The following VNN2 variants were observed in gnomAD, a reference collection of about 807,000 sequenced individuals.
The protein encoded by VNN2 is vanin 2.
Under a neutral mutation model 43.0 loss-of-function variants are expected in VNN2, and 43 were observed. The ratio of observed to expected loss-of-function variants is 1.00; its 90% CI spans 0.78 to 1.29. The LOEUF is 1.29. Among genes scored for constraint, VNN2 ranks in the 50% most tolerant of loss-of-function variants. The pLI is 0.00. For synonymous variants in VNN2, 230 were observed against 224.3 expected (o/e 1.03, Z -0.23); for missense variants, 652 against 619.7 (o/e 1.05, Z -0.55).
Position 132,751,289 on chromosome 6 carries a change from A to C in VNN2, c.1056T>G (p.Phe352Leu), listed in dbSNP as rs1271764998. 1 of 1,614,164 alleles carries C rather than the reference A, an allele frequency of 6.2e-7. No homozygotes were observed. The highest frequency in any genetic ancestry group is 8.5e-7 in the Non-Finnish European group (1 of 1,180,022). The change falls in exon 5 of 7, where the codon TTT becomes TTG. Residue 352 changes from phenylalanine to leucine, a missense_variant. By Grantham distance (22) the Phe-to-Leu change is conservative. Transcript: ENST00000326499. ...SRDGFNFTEL[F>L]ENAGNLTVCQ... ...AGACTGTAAGGTTTCCTGCATTTTC[A>C]AAAAGTTCTGTGAAGTTGAACCCAT...
At chr6:132,762,933 C>T (rs926375150) in intron 1 of VNN2, among the ~76,000 whole-genome samples, 3 of 152,142 alleles carry the variant, frequency 2.0e-5, no homozygotes, top group South Asian at 2.1e-4. Flanking sequence ...CCCTACTTTC[C>T]GACAGCTCCT....
chr6:132,755,374 CT>C (rs1021410696), intron 3 of VNN2, among the ~76,000 whole-genome samples: 1 of 96,644 alleles, frequency 1.0e-5, no homozygotes, highest in Non-Finnish European at 2.0e-5. Flanking sequence ...TTTTCTTTTT[CT>C]TTTTTTTCTT....
intron 1 of VNN2, chr6:132,763,254 A>G (rs1234101405): frequency 6.6e-6 from 1 of 151,662 alleles, no homozygotes; most frequent in African/African-American, 2.4e-5. Flanking sequence ...GATTAAAAAT[A>G]GAAAAGTTTA....
Position 132,757,875 on chromosome 6 carries a change from A to G in VNN2, c.9T>C (p.Thr3=). 6.2e-7 allele frequency: 1 copy of G among 1,613,682 alleles called. No individual in the cohort carries two copies. Among genetic ancestry groups the G allele is most frequent in the Non-Finnish European group, 8.5e-7 (1 of 1,179,702 alleles). The part of the protein sequence containing the change: MV[T]SSFPISVAVF... ...CTGCCACAGAGATTGGAAAAGAGGA[A>G]GTGACCATGGCCAAGGTTTAGTGAT... The change falls in exon 1 of 7, where the codon ACT becomes ACC. Residue 3 remains threonine (T), a synonymous_variant. Transcript: ENST00000326499.
intron 6 of VNN2, among the ~76,000 whole-genome samples, chr6:132,745,422 C>G (rs1406494030): frequency 6.6e-6 from 1 of 152,070 alleles, no homozygotes; most frequent in Non-Finnish European, 1.5e-5. Context: ...CACCATGTTG[C>G]CCAGGCTGTT....
upstream of VNN2, chr6:132,757,990 T>C: frequency 1.7e-6 from 1 of 605,050 alleles, no homozygotes; most frequent in Non-Finnish European, 2.6e-6. Flanking sequence ...CCTTTTACTT[T>C]ATCATCATTT....
At chr6:132,753,526 C>T (rs761107357) in intron 3 of VNN2, 1 of 449,068 alleles carries the variant, frequency 2.2e-6, no homozygotes, top group South Asian at 1.6e-5. Context: ...ATTTAATTTC[C>T]CGATTCCTTC....
Position 132,751,331 on chromosome 6 carries a change from C to T in VNN2, c.1014G>A (p.Arg338=). The change falls in exon 5 of 7, where the codon AGG becomes AGA. Residue 338 remains arginine, a synonymous_variant. Coordinates refer to ENST00000326499, the MANE Select transcript of VNN2 (RefSeq NM_004665.6). The part of the protein sequence containing the change: ...KPFPVQKNTF[R]GFISRDGFNF... Reference sequence around the variant, plus strand: ...TGAACCCATCCCTGGAAATAAATCCCCTGAAAGTGTTTTTCTGTACTGGAA... The same window carrying T: ...TGAACCCATCCCTGGAAATAAATCCTCTGAAAGTGTTTTTCTGTACTGGAA... 6.2e-7 allele frequency: 1 copy of T among 1,614,094 alleles called. No homozygotes were observed. Among genetic ancestry groups the T allele is most frequent in the Non-Finnish European group, 8.5e-7 (1 of 1,180,020 alleles).
intron 4 of VNN2, among the ~76,000 whole-genome samples, chr6:132,751,949 G>A (rs1465317511): frequency 6.6e-6 from 1 of 152,172 alleles, no homozygotes; most frequent in Non-Finnish European, 1.5e-5. Flanking sequence ...GCTGGACTTA[G>A]TGACTCACTT....
intron 4 of VNN2, 87 bp downstream of exon 4, chr6:132,752,374 G>A (rs756642095): frequency 6.5e-5 from 95 of 1,456,350 alleles, no homozygotes; most frequent in Non-Finnish European, 8.3e-5. Flanking sequence ...TTTCCAATAA[G>A]CAAAAAATTA....
Position 132,757,862 on chromosome 6 carries a change from T to C in VNN2, c.22A>G (p.Ile8Val). 1.2e-6 allele frequency: 2 copies of C among 1,613,794 alleles called. No individual in the cohort carries two copies. The highest frequency in any genetic ancestry group is 1.7e-6 in the Non-Finnish European group (2 of 1,179,840). The part of the protein sequence containing the change: MVTSSFP[I>V]SVAVFALITL... ...ATTAGGGCAAAAACTGCCACAGAGA[T>C]TGGAAAAGAGGAAGTGACCATGGCC... Residue 8 changes from isoleucine (I) to valine (V), a missense_variant, in exon 1 of 7, where the codon ATC becomes GTC. Ile to Val is a conservative substitution (Grantham distance 29). Coordinates refer to ENST00000326499, the MANE Select transcript of VNN2 (RefSeq NM_004665.6).
intron 3 of VNN2, among the ~76,000 whole-genome samples, chr6:132,754,103 G>T (rs897668784): frequency 6.6e-6 from 1 of 152,160 alleles, no homozygotes; most frequent in Non-Finnish European, 1.5e-5. Context: ...GTGACTGCAG[G>T]TTCCTTGCTA....
At chr6:132,754,656 C>T (rs34723602) in intron 3 of VNN2, among the ~76,000 whole-genome samples, 2,101 of 152,284 alleles carry the variant, frequency 0.014, 45 homozygotes, top group African/African-American at 0.047. Flanking sequence ...GCTTCTTTCT[C>T]TACCTAGTTT....
intron 4 of VNN2, among the ~76,000 whole-genome samples, chr6:132,752,031 T>C (rs1221701265): frequency 4.6e-5 from 7 of 152,190 alleles, no homozygotes; most frequent in Non-Finnish European, 1.0e-4. Context: ...TCTTTCCTTT[T>C]CTCTCTTGTC....
chr6:132,751,255 C>G lies in VNN2; in HGVS notation c.1090G>C (p.Glu364Gln). 8.1e-6 allele frequency: 13 copies of G among 1,614,154 alleles called. No individual in the cohort carries two copies. The highest frequency in any genetic ancestry group is 1.1e-5 in the Non-Finnish European group (13 of 1,180,022). The change falls in exon 5 of 7, where the codon GAG becomes CAG. Residue 364 changes from glutamate to glutamine, a missense_variant. Coordinates refer to ENST00000326499, the MANE Select transcript of VNN2 (RefSeq NM_004665.6). ...CTGTAGCTTAAATGACAGCAAAGCT[C>G]CTTTTGACAGACTGTAAGGTTTCCT... Reference protein sequence around the residue: ...NAGNLTVCQKELCCHLSYRML... With the variant: ...NAGNLTVCQKQLCCHLSYRML...
At chr6:132,761,287 T>C (rs1207422313), upstream of VNN2, among the ~76,000 whole-genome samples, 2 of 151,882 alleles carry the variant, frequency 1.3e-5, no homozygotes, top group African/African-American at 4.8e-5. Context: ...CATTTTGGGA[T>C]TAATGAACTT....
At chr6:132,762,486 T>C (rs981105357), upstream of VNN2, among the ~76,000 whole-genome samples, 1 of 152,210 alleles carries the variant, frequency 6.6e-6, no homozygotes, top group African/African-American at 2.4e-5. Flanking sequence ...AAAAAGTACT[T>C]AATGGCAAAG....
At chr6:132,750,661 CAA>C (rs746788690) in intron 5 of VNN2, among the ~76,000 whole-genome samples, 8 of 76,444 alleles carry the variant, frequency 1.0e-4, no homozygotes, top group Non-Finnish European at 1.4e-4. Context: ...GAAATTGTCT[CAA>C]AAAAAAAAAA....
Position 132,756,379 on chromosome 6 carries a change from T to G in VNN2, c.345-344A>C, listed in dbSNP as rs1051508075. Among the ~76,000 whole-genome samples, 4 of 152,316 alleles carry G rather than the reference T, an allele frequency of 2.6e-5. No individual in the cohort carries two copies. The South Asian group carries it at 8.3e-4, about 32-fold the overall frequency. On this transcript the variant is annotated intron_variant, in intron 2 of 6. Coordinates refer to ENST00000326499, the MANE Select transcript of VNN2 (RefSeq NM_004665.6). ...CTTTCCAAACATGCCCTTCCAAATA[T>G]TGCTTTAATCCTCATCTCTCTCTTA...
Sources: gnomAD v4.1 joint callset for allele counts (sites outside exome capture counted in the v4.1 genomes callset) on GRCh38, gnomAD v4.1.1 for gene constraint, MANE v1.5 for transcripts, NCBI Gene and HGNC (gene_info 2026-07-23, HGNC 2026-07-21) for gene names.